The following SORCS1 variants were observed in gnomAD, a reference collection of about 807,000 sequenced individuals.
SORCS1 encodes the protein VPS10 domain-containing receptor SorCS1.
SORCS1 carries 60 observed loss-of-function variants against 146.1 expected under a neutral mutation model. That is an observed-to-expected ratio of 0.41 (90% CI 0.33 to 0.51). The LOEUF is 0.51. Ranked by LOEUF, SORCS1 falls within the 20% of genes least tolerant of loss-of-function variation. The pLI, the probability that SORCS1 is intolerant of heterozygous loss-of-function variation, is 0.21. For synonymous variants in SORCS1, 637 were observed against 584.0 expected (o/e 1.09, Z -1.31); for missense variants, 1,352 against 1,487.6 (o/e 0.91, Z 1.50).
chr10:106,708,547 T>C (rs1854707382), intron 7 of SORCS1, among the ~76,000 whole-genome samples: 1 of 152,226 alleles, frequency 6.6e-6, no homozygotes, highest in Non-Finnish European at 1.5e-5. Flanking sequence ...TTTCCTTGAA[T>C]GCTGAAAAGC....
rs535615530 is a variant in SORCS1 at position 106,890,833 on chromosome 10, A to G, written c.627-61160T>C. ...ATACATTTTTTTTTTTTTAACTGGG[A>G]AATCATGCTAAAAGTAAAAGCTTGA... On this transcript the variant is annotated intron_variant, in intron 2 of 25. Coordinates refer to ENST00000263054, the MANE Select transcript of SORCS1 (RefSeq NM_052918.5). Among the ~76,000 whole-genome samples the G allele has an allele frequency of 1.5e-4, 23 of 152,084 alleles. No homozygotes were observed. In the South Asian group the frequency reaches 4.6e-3, roughly 30 times the overall value.
chr10:106,672,359 A>G (rs1851672840), intron 15 of SORCS1, among the ~76,000 whole-genome samples: 1 of 152,188 alleles, frequency 6.6e-6, no homozygotes, highest in Non-Finnish European at 1.5e-5. Flanking sequence ...TTTCCTATTA[A>G]TAATTCTGCA....
intron 5 of SORCS1, among the ~76,000 whole-genome samples, chr10:106,756,041 A>C (rs900139388): frequency 4.6e-5 from 7 of 152,172 alleles, no homozygotes; most frequent in Non-Finnish European, 7.4e-5. Flanking sequence ...AGGCAGGAGA[A>C]TCTCTTGAAC....
intron 3 of SORCS1, among the ~76,000 whole-genome samples, chr10:106,786,412 T>C (rs145703059): frequency 0.01 from 1,576 of 152,262 alleles, 25 homozygotes; most frequent in African/African-American, 0.035. Flanking sequence ...GGACCCCCCA[T>C]GTGGCTGAAC....
chr10:106,596,705 C>A (rs763758153), intron 24 of SORCS1, among the ~76,000 whole-genome samples: 2 of 152,248 alleles, frequency 1.3e-5, no homozygotes, highest in East Asian at 1.9e-4. Flanking sequence ...AAAGAAAATT[C>A]TTTGTAATAT....
chr10:106,612,666 A>G (rs1190286718), intron 21 of SORCS1, among the ~76,000 whole-genome samples: 2 of 151,880 alleles, frequency 1.3e-5, no homozygotes, highest in Non-Finnish European at 2.9e-5. Context: ...GTTTGGTTGG[A>G]CCCAGTTTCT....
At chr10:106,918,768 T>G (rs1952564766) in intron 2 of SORCS1, among the ~76,000 whole-genome samples, 1 of 152,198 alleles carries the variant, frequency 6.6e-6, no homozygotes, top group African/African-American at 2.4e-5. Context: ...TACTGAAAAA[T>G]TAACTACCAG....
intron 1 of SORCS1, among the ~76,000 whole-genome samples, chr10:107,011,887 G>A (rs1957709999): frequency 6.6e-6 from 1 of 152,126 alleles, no homozygotes. Flanking sequence ...TCACAAGGTT[G>A]TCTATTTAAA....
At chr10:107,179,511 A>G in the SORCS1 span, among the ~76,000 whole-genome samples, 3 of 152,314 alleles carry the variant, frequency 2.0e-5, no homozygotes, top group Admixed American at 1.3e-4. Flanking sequence ...TTTACTCTGC[A>G]TGATTCTATG....
In SORCS1 at chr10:106,857,834, CA is replaced by C. The variant is rs1949851304; in HGVS notation, c.627-28162del. ...CTACCCACTGTCAAGAAAATATCTTCAAATCCATTTTTCATAATACCTCAAG... is the reference window on the plus strand; with the variant it reads ...CTACCCACTGTCAAGAAAATATCTTCAATCCATTTTTCATAATACCTCAAG... On this transcript the variant is annotated intron_variant, in intron 2 of 25. Transcript: ENST00000263054. Among the ~76,000 whole-genome samples, 2 of 152,174 alleles carry C rather than the reference CA, an allele frequency of 1.3e-5. 1 individual carries two copies. Among genetic ancestry groups the C allele is most frequent in the Non-Finnish European group, 2.9e-5 (2 of 68,026 alleles).
intron 25 of SORCS1, chr10:106,578,192 G>A (rs1157331496): frequency 6.6e-6 from 1 of 152,158 alleles, no homozygotes; most frequent in Non-Finnish European, 1.5e-5. Flanking sequence ...ACAGACAGGA[G>A]GAACCAGACA....
Position 106,667,678 on chromosome 10 carries a change from C to T in SORCS1, c.2303+11G>A. On this transcript the variant is annotated intron_variant, in intron 17 of 25. Transcript: ENST00000263054. ...GGTTGGCCTCTCAAGGTCACTACTC[C>T]AGACACTTACCCAGTACTATTGAGG... is the stretch of plus-strand genomic sequence containing the variant. 1 of 1,607,500 alleles carries T rather than the reference C, an allele frequency of 6.2e-7. No homozygotes were observed. Among genetic ancestry groups the T allele is most frequent in the African/African-American group, 1.3e-5 (1 of 74,940 alleles).
At chr10:106,663,480 A>G (rs754955738) in intron 17 of SORCS1, among the ~76,000 whole-genome samples, 1 of 152,216 alleles carries the variant, frequency 6.6e-6, no homozygotes, top group Non-Finnish European at 1.5e-5. Context: ...AAACATACAC[A>G]TTTATTTTGT....
chr10:106,743,580 G>A (rs970012680), intron 5 of SORCS1, among the ~76,000 whole-genome samples: 2 of 151,930 alleles, frequency 1.3e-5, no homozygotes, highest in Non-Finnish European at 2.9e-5. Flanking sequence ...GCATACCACC[G>A]TGCCTGGCTA....
At chr10:106,709,370 T>A (rs1564883979) in intron 6 of SORCS1, 29 bp from the exon 7 acceptor site, 1 of 1,439,696 alleles carries the variant, frequency 6.9e-7, no homozygotes, top group Admixed American at 1.7e-5. Flanking sequence ...AACAAAAACA[T>A]GGGGTTGAGG....
At chr10:107,131,273 T>C (rs938414427) in intron 1 of SORCS1, among the ~76,000 whole-genome samples, 2 of 152,200 alleles carry the variant, frequency 1.3e-5, no homozygotes, top group African/African-American at 4.8e-5. Context: ...TCACATCACA[T>C]TTCTGCCTTA....
intron 1 of SORCS1, among the ~76,000 whole-genome samples, chr10:107,159,881 A>G (rs886438377): frequency 6.6e-6 from 1 of 152,144 alleles, no homozygotes; most frequent in South Asian, 2.1e-4. Context: ...TAGCCAAGTC[A>G]AGCATTCACA....
chr10:106,673,352 T>C (rs1198005461), intron 14 of SORCS1, among the ~76,000 whole-genome samples: 3 of 152,088 alleles, frequency 2.0e-5, no homozygotes, highest in African/African-American at 4.8e-5. Context: ...AGGATGGTCT[T>C]GATCTCCTGA....
chr10:106,816,550 G>C (rs1032600870), intron 3 of SORCS1, among the ~76,000 whole-genome samples: 8 of 152,272 alleles, frequency 5.3e-5, no homozygotes, highest in African/African-American at 1.9e-4. Flanking sequence ...AGTAATTAGA[G>C]AGCTCTGCTG....
Sources: gnomAD v4.1 joint callset for allele counts (sites outside exome capture counted in the v4.1 genomes callset) on GRCh38, gnomAD v4.1.1 for gene constraint, MANE v1.5 for transcripts, NCBI Gene and HGNC (gene_info 2026-07-23, HGNC 2026-07-21) for gene names.